PTCHD4: variants seen among roughly 807,000 people sequenced by gnomAD.
PTCHD4 encodes patched domain-containing protein 4.
A neutral mutation model predicts 58.1 loss-of-function variants in PTCHD4; 33 were observed. The observed-to-expected ratio is 0.57, with a 90% CI of 0.43 to 0.76. PTCHD4 has a LOEUF of 0.76. Among genes scored for constraint, PTCHD4 ranks in the 30% least tolerant of loss-of-function variants. PTCHD4 has a pLI of 0.00. For missense variants in PTCHD4, 1,058 were observed against 1,027.1 expected (o/e 1.03, Z -0.41); for synonymous variants, 478 against 409.6 (o/e 1.17, Z -2.02).
intron 3 of PTCHD4, among the ~76,000 whole-genome samples, chr6:48,054,270 C>T (rs1764334007): frequency 6.6e-6 from 1 of 152,142 alleles, no homozygotes; most frequent in African/African-American, 2.4e-5. Context: ...CTCTTAGAAG[C>T]TTAATCTTGG....
chr6:48,067,779 A>G lies in PTCHD4; in HGVS notation c.417+451T>C, dbSNP rs528912760. ...ACTGATTTATTAACCCTGAACAAAGATGTAATTGCAGGGTCTCAGAAATAA... is the reference window on the plus strand; with the variant it reads ...ACTGATTTATTAACCCTGAACAAAGGTGTAATTGCAGGGTCTCAGAAATAA... On this transcript the variant is annotated intron_variant, in intron 3 of 4. Coordinates refer to ENST00000339488, the MANE Select transcript of PTCHD4 (RefSeq NM_001384253.1). Among the ~76,000 whole-genome samples, 7 of 152,020 alleles carry G rather than the reference A, an allele frequency of 4.6e-5. No individual in the cohort carries two copies. In the East Asian group the frequency reaches 1.4e-3, roughly 29 times the overall value.
chr6:48,097,073 A>G lies in PTCHD4; in HGVS notation c.-970+13976T>C, dbSNP rs546307761. 4.6e-5 allele frequency among the ~76,000 whole-genome samples: 7 copies of G among 152,250 alleles called. No homozygotes were observed. The East Asian group carries it at 9.6e-4, about 21-fold the overall frequency. ...TATTTCTTTGTTACTTAATTTAAAC[A>G]TTTAATATTAACGTATTACCATAGA... is the stretch of plus-strand genomic sequence containing the variant. On this transcript the variant is annotated intron_variant, in intron 1 of 4. Coordinates refer to ENST00000339488, the MANE Select transcript of PTCHD4 (RefSeq NM_001384253.1).
rs550404566 is a variant in PTCHD4, at chr6:47,858,731, C to T, written c.*19572G>A. Among the ~76,000 whole-genome samples, 91 of 151,970 alleles carry T rather than the reference C, an allele frequency of 6.0e-4. No homozygotes were observed. The highest frequency in any genetic ancestry group is 9.7e-4 in the Non-Finnish European group (66 of 67,948). On this transcript the variant is annotated 3_prime_UTR_variant, in exon 5 of 5. Transcript: ENST00000339488. Reference sequence around the variant, plus strand: ...TCTGTGGGTGGAATAAATAATAAACCTGCTGATGTTAAGAAAACTAAAACA... The same window carrying T: ...TCTGTGGGTGGAATAAATAATAAACTTGCTGATGTTAAGAAAACTAAAACA...
intron 4 of PTCHD4, among the ~76,000 whole-genome samples, chr6:47,964,987 T>C (rs944138516): frequency 2.0e-5 from 3 of 152,156 alleles, no homozygotes; most frequent in African/African-American, 7.2e-5. Flanking sequence ...CAGTACAATA[T>C]TGATAACTGC....
At chr6:47,928,548 A>G (rs1394455206) in intron 4 of PTCHD4, among the ~76,000 whole-genome samples, 1 of 152,224 alleles carries the variant, frequency 6.6e-6, no homozygotes, top group African/African-American at 2.4e-5. Context: ...CATTTAATTG[A>G]CATTCTTTCT....
chr6:48,068,797 C>T lies in PTCHD4; in HGVS notation c.5+156G>A. 1 of 652,246 alleles carries T rather than the reference C, an allele frequency of 1.5e-6. No homozygotes were observed. Among genetic ancestry groups the T allele is most frequent in the Non-Finnish European group, 2.6e-6 (1 of 385,058 alleles). 40.4% of individuals were successfully genotyped at this position (652,246 alleles called of 1,614,324 possible). On this transcript the variant is annotated intron_variant, in intron 2 of 4. Transcript: ENST00000339488. This position sits in a 1 kb window ranked among gnomAD's most constrained non-coding sequence, Gnocchi z 4.2. Reference sequence around the variant, plus strand: ...CCGCCTGGTCTTTCCCCGGCCCCACCTCCATGCGCTCCTACTACTCTTTCA... The same window carrying T: ...CCGCCTGGTCTTTCCCCGGCCCCACTTCCATGCGCTCCTACTACTCTTTCA...
intron 4 of PTCHD4, among the ~76,000 whole-genome samples, chr6:47,894,985 T>G (rs1764490543): frequency 1.3e-5 from 2 of 151,898 alleles, no homozygotes; most frequent in South Asian, 2.1e-4. Flanking sequence ...TACAAAAAAA[T>G]TATCTGGGCA....
In PTCHD4 at chr6:48,023,170, G is replaced by A. The variant is rs569554971; in HGVS notation, c.418-14056C>T. 1.3e-4 allele frequency among the ~76,000 whole-genome samples: 20 copies of A among 152,158 alleles called. 1 individual carries two copies. In the South Asian group the frequency reaches 2.1e-3, roughly 16 times the overall value. Reference sequence around the variant, plus strand: ...ATCAATTCATGGATGACTTCTTTACGTGTGTTTTTAGTTTTATACTTTTGT... The same window carrying A: ...ATCAATTCATGGATGACTTCTTTACATGTGTTTTTAGTTTTATACTTTTGT... On this transcript the variant is annotated intron_variant, in intron 3 of 4. Transcript: ENST00000339488.
intron 4 of PTCHD4, among the ~76,000 whole-genome samples, chr6:47,939,420 G>A (rs910960096): frequency 5.3e-5 from 8 of 152,052 alleles, no homozygotes; most frequent in African/African-American, 1.7e-4. Flanking sequence ...ACGGGAGAGA[G>A]GGACACTGAG....
intron 4 of PTCHD4, among the ~76,000 whole-genome samples, chr6:47,927,737 A>C (rs1765671160): frequency 1.3e-5 from 2 of 151,760 alleles, no homozygotes; most frequent in South Asian, 4.2e-4. Flanking sequence ...TATTTTTTCC[A>C]TTTTTAAAAA....
At chr6:48,083,311 TAAC>T (rs994882662) in intron 1 of PTCHD4, among the ~76,000 whole-genome samples, 2 of 152,040 alleles carry the variant, frequency 1.3e-5, no homozygotes, top group Admixed American at 6.5e-5. Context: ...ATATTTTACT[TAAC>T]AAAACAGATA....
At chr6:48,044,585 A>T (rs1423319952) in intron 3 of PTCHD4, among the ~76,000 whole-genome samples, 1 of 151,918 alleles carries the variant, frequency 6.6e-6, no homozygotes, top group Non-Finnish European at 1.5e-5. Context: ...CCACCAAACA[A>T]ACCTGGCCCT....
intron 4 of PTCHD4, among the ~76,000 whole-genome samples, chr6:47,934,565 G>A (rs1381920398): frequency 6.6e-6 from 1 of 152,102 alleles, no homozygotes; most frequent in Non-Finnish European, 1.5e-5. Flanking sequence ...AAGTATATAA[G>A]AAACAGTTAA....
intron 3 of PTCHD4, among the ~76,000 whole-genome samples, chr6:48,015,150 C>T (rs374561591): frequency 6.6e-6 from 1 of 151,318 alleles, no homozygotes; most frequent in Non-Finnish European, 1.5e-5. Context: ...TGACAAGATG[C>T]TAACATGCTG....
intron 4 of PTCHD4, among the ~76,000 whole-genome samples, chr6:47,903,037 T>G (rs1375811221): frequency 6.6e-6 from 1 of 152,278 alleles, no homozygotes; most frequent in Middle Eastern, 3.4e-3. Context: ...GTTGTCTTGG[T>G]TTTGTAACTT....
chr6:47,936,092 C>T (rs1245221508), intron 4 of PTCHD4, among the ~76,000 whole-genome samples: 1 of 152,110 alleles, frequency 6.6e-6, no homozygotes, highest in Non-Finnish European at 1.5e-5. Flanking sequence ...GTCTGATTTA[C>T]ATATAATTGT....
intron 3 of PTCHD4, among the ~76,000 whole-genome samples, chr6:48,044,170 T>C (rs1254709337): frequency 6.6e-6 from 1 of 151,844 alleles, no homozygotes; most frequent in African/African-American, 2.4e-5. Flanking sequence ...TTTCATGAAC[T>C]GAGCAATTTT....
intron 3 of PTCHD4, among the ~76,000 whole-genome samples, chr6:48,056,877 T>A (rs1355852172): frequency 6.6e-6 from 1 of 152,244 alleles, no homozygotes; most frequent in East Asian, 1.9e-4. Context: ...CAGATGTGAT[T>A]CTGCAAGCTC....
chr6:47,862,808 C>G lies in PTCHD4; in HGVS notation c.*15495G>C, dbSNP rs1409379339. 6.6e-6 allele frequency among the ~76,000 whole-genome samples: 1 copy of G among 151,864 alleles called. No homozygotes were observed. Among genetic ancestry groups the G allele is most frequent in the Non-Finnish European group, 1.5e-5 (1 of 67,842 alleles). On this transcript the variant is annotated 3_prime_UTR_variant, in exon 5 of 5. Coordinates refer to ENST00000339488, the MANE Select transcript of PTCHD4 (RefSeq NM_001384253.1). ...TTTGGAATTGTAATACTCATCTGCT[C>G]TTCAGTAACAAAGACAGGCTTCTCT...
Sources: allele counts gnomAD v4.1 joint callset (sites outside exome capture counted in the v4.1 genomes callset), GRCh38; gene constraint gnomAD v4.1.1; non-coding constraint Gnocchi (gnomAD v3.1); transcripts MANE v1.5; gene names NCBI Gene and HGNC (gene_info 2026-07-23, HGNC 2026-07-21).